ICMT: variants seen among roughly 807,000 people sequenced by gnomAD.
ICMT encodes the protein isoprenylcysteine carboxyl methyltransferase, also known as protein-S-isoprenylcysteine O-methyltransferase.
Under a neutral mutation model 32.2 loss-of-function variants are expected in ICMT, and 10 were observed. That is an observed-to-expected ratio of 0.31 (90% CI 0.19 to 0.53). The LOEUF (loss-of-function observed/expected upper bound fraction) is 0.53, where lower values mean the gene tolerates loss of function less well. Ranked by LOEUF, ICMT falls within the 20% of genes least tolerant of loss-of-function variation. The pLI is 0.96. For missense variants in ICMT, 265 were observed against 356.9 expected, an observed-to-expected ratio of 0.74 and a Z score of 2.07; for synonymous variants, 183 against 158.2, an observed-to-expected ratio of 1.16 and a Z score of -1.18.
intron 2 of ICMT, among the ~76,000 whole-genome samples, 194 bp downstream of exon 2, chr1:6,234,692 A>G (rs1668789887): frequency 1.3e-5 from 2 of 152,178 alleles, no homozygotes; most frequent in African/African-American, 4.8e-5. Flanking sequence ...CCTGATTCAC[A>G]ATCAACCCAC....
In ICMT at chr1:6,232,035, G is replaced by A; in HGVS notation, c.539C>T (p.Thr180Ile). 1 of 1,614,144 alleles carries A rather than the reference G, an allele frequency of 6.2e-7. No individual in the cohort carries two copies. Among genetic ancestry groups the A allele is most frequent in the Non-Finnish European group, 8.5e-7 (1 of 1,180,022 alleles). Reference sequence around the variant, plus strand: ...CACGTGGTTGAAATTGGAGCCAGCTGTAAACATGGCCGCCTTCCTCAGACA... The same window carrying A: ...CACGTGGTTGAAATTGGAGCCAGCTATAAACATGGCCGCCTTCCTCAGACA... Reference protein sequence around the residue: ...GECLRKAAMFTAGSNFNHVVQ... With the variant: ...GECLRKAAMFIAGSNFNHVVQ... The change falls in exon 4 of 5, where the codon ACA becomes ATA. Residue 180 changes from threonine to isoleucine, a missense_variant. Physicochemically the swap from Thr to Ile is moderately conservative, Grantham distance 89. Coordinates refer to ENST00000343813, the MANE Select transcript of ICMT (RefSeq NM_012405.4).
In ICMT at chr1:6,221,675, T is replaced by C. The variant is rs1030779484; in HGVS notation, c.*3405A>G. On this transcript the variant is annotated 3_prime_UTR_variant, in exon 5 of 5. Coordinates refer to ENST00000343813, the MANE Select transcript of ICMT (RefSeq NM_012405.4). The stretch of plus-strand genomic sequence containing the variant: ...TCCCCGGTCGTATCAATCCCCCAGG[T>C]TGGTAAATGAACAGAAGGGATGAAT... The C allele has an allele frequency of 6.6e-6, 1 of 152,534 alleles. No individual in the cohort carries two copies. The highest frequency in any genetic ancestry group is 2.4e-5 in the African/African-American group (1 of 41,436). 9.4% of individuals were successfully genotyped at this position (152,534 alleles called of 1,614,324 possible).
intron 4 of ICMT, among the ~76,000 whole-genome samples, chr1:6,227,213 C>T (rs1387919727): frequency 6.6e-6 from 1 of 152,202 alleles, no homozygotes; most frequent in Non-Finnish European, 1.5e-5. Flanking sequence ...ATGGAAAACC[C>T]TTTGGTTCTA....
Position 6,234,613 on chromosome 1 carries a change from G to C in ICMT, c.284+273C>G, listed in dbSNP as rs1234734799. On this transcript the variant is annotated intron_variant, in intron 2 of 4. Coordinates refer to ENST00000343813, the MANE Select transcript of ICMT (RefSeq NM_012405.4). ...ACCCCTTCCGGGAAGGGCTGCTCAA[G>C]TTACGGAATGCTGTCACCACAGCTG... 4 of 518,332 alleles carry C rather than the reference G, an allele frequency of 7.7e-6. No homozygotes were observed. The East Asian group carries it at 1.7e-4, about 22-fold the overall frequency. 32.1% of individuals were successfully genotyped at this position (518,332 alleles called of 1,614,324 possible).
intron 4 of ICMT, among the ~76,000 whole-genome samples, chr1:6,229,276 C>T (rs1329418096): frequency 1.4e-4 from 22 of 151,878 alleles, no homozygotes; most frequent in Admixed American, 6.6e-5. Context: ...GTTGGGAGTT[C>T]GAGAACAGCC....
chr1:6,235,955 C>A lies in ICMT; in HGVS notation c.-44G>T. The A allele has an allele frequency of 9.7e-7, 1 of 1,028,498 alleles. No homozygotes were observed. The highest frequency in any genetic ancestry group is 4.6e-5 in the South Asian group (1 of 21,696). 63.7% of individuals were successfully genotyped at this position (1,028,498 alleles called of 1,614,324 possible). Reference sequence around the variant, plus strand: ...AGCGGGCGGCGGCGCCGGCTGTAGCCCGGAGAAACGCGCCGGCTGCGCCTG... The same window carrying A: ...AGCGGGCGGCGGCGCCGGCTGTAGCACGGAGAAACGCGCCGGCTGCGCCTG... On this transcript the variant is annotated 5_prime_UTR_variant, in exon 1 of 5. Transcript: ENST00000343813.
intron 4 of ICMT, among the ~76,000 whole-genome samples, chr1:6,229,487 A>T (rs1668697433): frequency 6.6e-6 from 1 of 152,050 alleles, no homozygotes; most frequent in Non-Finnish European, 1.5e-5. Flanking sequence ...TCAAAAAAAT[A>T]AATTAATTAA....
intron 4 of ICMT, among the ~76,000 whole-genome samples, chr1:6,227,957 C>T (rs1356681298): frequency 6.6e-6 from 1 of 152,010 alleles, no homozygotes; most frequent in Non-Finnish European, 1.5e-5. Flanking sequence ...TGCTTGAGCC[C>T]AGGAGTTCAA....
chr1:6,228,181 C>T (rs2100962793), intron 4 of ICMT, among the ~76,000 whole-genome samples: 1 of 152,292 alleles, frequency 6.6e-6, no homozygotes, highest in East Asian at 1.9e-4. Context: ...GACAGGGTCT[C>T]ACTCTGTTGC....
At chr1:6,234,864 G>A in intron 2 of ICMT, 22 bp downstream of exon 2, 4 of 1,568,196 alleles carry the variant, frequency 2.6e-6, no homozygotes, top group Non-Finnish European at 3.5e-6. Context: ...CTGAAAACCA[G>A]TATTTCCGAA....
In ICMT at chr1:6,231,896, T is replaced by C; in HGVS notation, c.672+6A>G. The C allele has an allele frequency of 6.6e-7, 1 of 1,523,510 alleles. No individual in the cohort carries two copies. Among genetic ancestry groups the C allele is most frequent in the Non-Finnish European group, 8.9e-7 (1 of 1,121,852 alleles). 94.4% of individuals were successfully genotyped at this position (1,523,510 alleles called of 1,614,324 possible). On this transcript the variant is annotated splice_donor_region_variant and intron_variant, in intron 4 of 4. Coordinates refer to ENST00000343813, the MANE Select transcript of ICMT (RefSeq NM_012405.4). ...AAGAAAAGCAGTGTCATATTTAATA[T>C]TATACCTGAGTTCCAATACTCCAGT...
intron 2 of ICMT, 31 bp from the exon 3 acceptor site, chr1:6,233,674 GGACAAGA>G (rs1557603491): frequency 6.3e-6 from 10 of 1,589,512 alleles, no homozygotes; most frequent in Non-Finnish European, 8.6e-6. Context: ...AGTTAAGTTG[GGACAAGA>G]GAACCAAGTT....
In ICMT at chr1:6,224,553, G is replaced by A. The variant is rs890922463; in HGVS notation, c.*527C>T. On this transcript the variant is annotated 3_prime_UTR_variant, in exon 5 of 5. Coordinates refer to ENST00000343813, the MANE Select transcript of ICMT (RefSeq NM_012405.4). ...GATGAAGGGCCAAAGCATCCTATGA[G>A]GAAGTATTTTTAAAATTGTATAGAT... is the stretch of plus-strand genomic sequence containing the variant. 4 of 152,628 alleles carry A rather than the reference G, an allele frequency of 2.6e-5. No homozygotes were observed. Among genetic ancestry groups the A allele is most frequent in the Admixed American group, 2.0e-4 (3 of 15,286 alleles). The allele number at this position is 152,628 out of a possible 1,614,324, so 9.5% of individuals were successfully genotyped here.
intron 2 of ICMT, among the ~76,000 whole-genome samples, chr1:6,234,126 C>T (rs1223560129): frequency 1.3e-5 from 2 of 152,190 alleles, no homozygotes; most frequent in Non-Finnish European, 2.9e-5. Context: ...CTGCCCACCT[C>T]GGCCTCCTAA....
intron 4 of ICMT, among the ~76,000 whole-genome samples, chr1:6,229,042 AAAG>A (rs1359393421): frequency 7.9e-5 from 12 of 151,132 alleles, no homozygotes; most frequent in African/African-American, 1.5e-4. Context: ...CAAAAAAAAA[AAAG>A]AAAGAAAAAG....
Position 6,232,130 on chromosome 1 carries a change from G to C in ICMT, c.455-11C>G, listed in dbSNP as rs201009577. On this transcript the variant is annotated splice_polypyrimidine_tract_variant and intron_variant, in intron 3 of 4. Transcript: ENST00000343813. ...TAATCTGCTTCAGTTCTGTGGGAGA[G>C]AGACATCAACGACACACGGGGAGTG... 9 of 1,606,832 alleles carry C rather than the reference G, an allele frequency of 5.6e-6. No individual in the cohort carries two copies. The East Asian group carries it at 6.7e-5, about 12-fold the overall frequency.
chr1:6,229,744 CT>C (rs1264809147), intron 4 of ICMT, among the ~76,000 whole-genome samples: 3 of 150,802 alleles, frequency 2.0e-5, no homozygotes, highest in Admixed American at 1.3e-4. Context: ...GAGACCCTGC[CT>C]CAAAACAAAA....
intron 3 of ICMT, among the ~76,000 whole-genome samples, chr1:6,233,133 C>T (rs939244356): frequency 8.5e-5 from 13 of 152,244 alleles, no homozygotes; most frequent in African/African-American, 2.7e-4. Flanking sequence ...GGATTACAGG[C>T]GTTCGCCACC....
At chr1:6,234,199 GCAAAA>G (rs1231217127) in intron 2 of ICMT, among the ~76,000 whole-genome samples, 1 of 152,172 alleles carries the variant, frequency 6.6e-6, no homozygotes, top group East Asian at 1.9e-4. Flanking sequence ...AATGTCACAG[GCAAAA>G]CAAACCCATA....
Sources: allele counts gnomAD v4.1 joint callset (sites outside exome capture counted in the v4.1 genomes callset), GRCh38; gene constraint gnomAD v4.1.1; transcripts MANE v1.5; gene names NCBI Gene and HGNC (gene_info 2026-07-23, HGNC 2026-07-21).